Variants in CRLF3 observed in about 807,000 individuals in gnomAD.
CRLF3 encodes cytokine receptor-like factor 3.
Under a neutral mutation model 55.0 loss-of-function variants are expected in CRLF3, and 33 were observed. The observed-to-expected ratio is 0.60, with a 90% confidence interval of 0.46 to 0.80. The LOEUF is 0.80. Ranked by LOEUF, CRLF3 falls within the 30% of genes least tolerant of loss-of-function variation. CRLF3 has a pLI of 0.00. For missense variants in CRLF3, 494 were observed against 538.4 expected, an observed-to-expected ratio of 0.92 and a Z score of 0.82; for synonymous variants, 238 against 196.8, an observed-to-expected ratio of 1.21 and a Z score of -1.75.
intron 2 of CRLF3, among the ~76,000 whole-genome samples, chr17:30,803,362 G>A (rs1256338805): frequency 6.6e-6 from 1 of 151,968 alleles, no homozygotes; most frequent in Non-Finnish European, 1.5e-5. Context: ...AACTGCACTT[G>A]CCATGCGATA....
At chr17:30,814,147 C>A (rs1904710026) in intron 1 of CRLF3, among the ~76,000 whole-genome samples, 1 of 152,052 alleles carries the variant, frequency 6.6e-6, no homozygotes, top group Non-Finnish European at 1.5e-5. Context: ...ATCCCAGATA[C>A]TCGGGAGGAT....
intron 1 of CRLF3, among the ~76,000 whole-genome samples, chr17:30,812,609 G>T (rs1397450492): frequency 3.9e-5 from 6 of 152,136 alleles, no homozygotes; most frequent in Admixed American, 3.9e-4. Flanking sequence ...ATCTGTTACA[G>T]TAGTGGCCCC....
intron 4 of CRLF3, among the ~76,000 whole-genome samples, chr17:30,794,530 G>T (rs1316183787): frequency 6.6e-6 from 1 of 152,140 alleles, no homozygotes; most frequent in African/African-American, 2.4e-5. Context: ...AGACATGATG[G>T]CTCATGCCTA....
At chr17:30,823,190 C>T (rs1905046169) in intron 1 of CRLF3, among the ~76,000 whole-genome samples, 1 of 151,822 alleles carries the variant, frequency 6.6e-6, no homozygotes, top group African/African-American at 2.4e-5. Context: ...GGTGAAACCT[C>T]CTCTCTACTA....
Position 30,784,091 on chromosome 17 carries a change from AGAT to A in CRLF3, c.*93_*95del. 1 of 1,093,640 alleles carries A rather than the reference AGAT, an allele frequency of 9.1e-7. No individual in the cohort carries two copies. The highest frequency in any genetic ancestry group is 2.4e-5 in the Admixed American group (1 of 41,408). The allele number at this position is 1,093,640 out of a possible 1,614,324, so 67.7% of individuals were successfully genotyped here. Reference sequence around the variant, plus strand: ...AACACTTTCCAATGGCCTAAGTTAGAGATGAATTCAACTTTTTTTTTAAAGCAA... The same window carrying A: ...AACACTTTCCAATGGCCTAAGTTAGAGAATTCAACTTTTTTTTTAAAGCAA... On this transcript the variant is annotated 3_prime_UTR_variant, in exon 8 of 8. Transcript: ENST00000324238.
At chr17:30,792,265 C>G (rs964758041) in intron 6 of CRLF3, 175 bp downstream of exon 6, 1 of 529,980 alleles carries the variant, frequency 1.9e-6, no homozygotes. Flanking sequence ...ACGTAATAAC[C>G]CTGTGAATAC....
intron 7 of CRLF3, 130 bp from the exon 8 acceptor site, chr17:30,784,573 CAT>C (rs1276167798): frequency 1.6e-5 from 12 of 772,138 alleles, no homozygotes; most frequent in Non-Finnish European, 2.5e-5. Context: ...GCCAACTGGA[CAT>C]AGATTTTAGA....
chr17:30,803,626 T>G, intron 2 of CRLF3: 1 of 331,860 alleles, frequency 3.0e-6, no homozygotes, highest in Non-Finnish European at 5.6e-6. Context: ...GGGGGCAGTT[T>G]CTCCCACACT....
intron 6 of CRLF3, among the ~76,000 whole-genome samples, chr17:30,788,191 G>A (rs1340208199): frequency 6.7e-6 from 1 of 149,662 alleles, no homozygotes; most frequent in Non-Finnish European, 1.5e-5. Context: ...AGCCGGGCGT[G>A]GTAGCAGGCG....
chr17:30,801,230 TTAAA>T (rs1366416830), intron 2 of CRLF3: 1 of 152,100 alleles, frequency 6.6e-6, no homozygotes, highest in African/African-American at 2.4e-5. Flanking sequence ...TCAAAATCTC[TTAAA>T]ATCAGCCCTG....
Position 30,793,524 on chromosome 17 carries a change from G to A in CRLF3, c.752C>T (p.Ala251Val). ...PNVDYQFRVC[A>V]RGDGRQEWSP... ...CCACTCCTGTCGGCCATCTCCTCGG[G>A]CGCAGACTCTGAACTGGTAATCAAC... The change falls in exon 5 of 8, where the codon GCC becomes GTC. Residue 251 changes from alanine (A) to valine (V), a missense_variant. Coordinates refer to ENST00000324238, the MANE Select transcript of CRLF3 (RefSeq NM_015986.4). 1 of 1,614,086 alleles carries A rather than the reference G, an allele frequency of 6.2e-7. No individual in the cohort carries two copies. Among genetic ancestry groups the A allele is most frequent in the Non-Finnish European group, 8.5e-7 (1 of 1,180,012 alleles).
At chr17:30,807,244 T>C (rs530212637) in intron 1 of CRLF3, among the ~76,000 whole-genome samples, 3 of 152,230 alleles carry the variant, frequency 2.0e-5, no homozygotes, top group African/African-American at 7.2e-5. Flanking sequence ...AACTTTCTCT[T>C]ATCAAGAAAG....
Position 30,819,454 on chromosome 17 carries a change from G to A in CRLF3, c.129+5069C>T, listed in dbSNP as rs140997619. ...CTGAGTGGCCAGCTGACATCACTAC[G>A]TGACATTTTGATCAGTTATCTCTAC... On this transcript the variant is annotated intron_variant, in intron 1 of 7. Transcript: ENST00000324238. 2.4e-4 allele frequency among the ~76,000 whole-genome samples: 37 copies of A among 152,246 alleles called. No homozygotes were observed. The East Asian group carries it at 6.4e-3, about 26-fold the overall frequency.
At chr17:30,802,727 T>C (rs1972027602) in intron 2 of CRLF3, among the ~76,000 whole-genome samples, 1 of 151,620 alleles carries the variant, frequency 6.6e-6, no homozygotes, top group African/African-American at 2.4e-5. Context: ...CTGGCCCCCT[T>C]GTTTATGTTA....
intron 7 of CRLF3, 167 bp from the exon 8 acceptor site, chr17:30,784,610 C>T (rs1373686002): frequency 5.0e-6 from 3 of 598,706 alleles, no homozygotes; most frequent in African/African-American, 3.7e-5. Context: ...TGTACTCTTC[C>T]AGCAGAGACT....
intron 1 of CRLF3, among the ~76,000 whole-genome samples, chr17:30,816,259 G>A (rs1305514439): frequency 6.7e-6 from 1 of 149,360 alleles, no homozygotes; most frequent in East Asian, 2.0e-4. Flanking sequence ...TCTAGCGTGG[G>A]TGACAGAGCA....
chr17:30,824,673 C>T lies in CRLF3; in HGVS notation c.-22G>A, dbSNP rs776694077. On this transcript the variant is annotated 5_prime_UTR_variant, in exon 1 of 8. Coordinates refer to ENST00000324238, the MANE Select transcript of CRLF3 (RefSeq NM_015986.4). ...TCATCTGGCCGCGCGGCCGGCGAAA[C>T]CTAGCGCGGGTTCCCGACTGCACCG... 1.3e-6 allele frequency: 2 copies of T among 1,583,030 alleles called. No homozygotes were observed. The highest frequency in any genetic ancestry group is 2.8e-5 in the African/African-American group (2 of 72,542).
At chr17:30,799,748 GC>G (rs763779912) in intron 2 of CRLF3, among the ~76,000 whole-genome samples, 1 of 151,828 alleles carries the variant, frequency 6.6e-6, no homozygotes, top group Non-Finnish European at 1.5e-5. Context: ...CAGATGATCC[GC>G]CCCCCTCGGC....
In CRLF3 at chr17:30,804,109, C is replaced by G. The variant is rs1972049854; in HGVS notation, c.130-1G>C. 2.5e-6 allele frequency: 4 copies of G among 1,601,160 alleles called. No individual in the cohort carries two copies. Among genetic ancestry groups the G allele is most frequent in the Non-Finnish European group, 3.4e-6 (4 of 1,169,902 alleles). ...TTGTCTGTGATGCACTTTCTTTGAT[C>G]TAAAAAGAAATAACAAAATACTCAA... On this transcript the variant is annotated splice_acceptor_variant, in intron 1 of 7. Transcript: ENST00000324238. LOFTEE classifies it high-confidence loss of function.
Sources: gnomAD v4.1 joint callset for allele counts (sites outside exome capture counted in the v4.1 genomes callset) on GRCh38, gnomAD v4.1.1 for gene constraint, MANE v1.5 for transcripts, NCBI Gene and HGNC (gene_info 2026-07-23, HGNC 2026-07-21) for gene names.